Variants in LAMA2 observed in about 807,000 individuals in gnomAD.
LAMA2 encodes the protein laminin subunit alpha-2.
A neutral mutation model predicts 364.8 loss-of-function variants in LAMA2; 269 were observed. The observed-to-expected ratio is 0.74, with a 90% CI of 0.67 to 0.82. The LOEUF (loss-of-function observed/expected upper bound fraction) is 0.82, where lower values mean the gene tolerates loss of function less well. Ranked by LOEUF, LAMA2 falls within the 40% of genes least tolerant of loss-of-function variation. The probability of loss-of-function intolerance (pLI) is 0.00; values close to 1 mark genes in which losing one functional copy is unlikely to be tolerated. For synonymous variants in LAMA2, 1,379 were observed against 1,370.6 expected (o/e 1.01, Z -0.14); for missense variants, 3,807 against 3,873.2 (o/e 0.98, Z 0.45).
At chr6:129,142,580 A>G (rs1448171381) in intron 4 of LAMA2, among the ~76,000 whole-genome samples, 2 of 152,044 alleles carry the variant, frequency 1.3e-5, no homozygotes, top group Admixed American at 1.3e-4. Flanking sequence ...TTCACCTGTA[A>G]TATAGTATCT....
chr6:129,105,169 G>A (rs1261397220), intron 4 of LAMA2, among the ~76,000 whole-genome samples: 2 of 152,128 alleles, frequency 1.3e-5, no homozygotes, highest in African/African-American at 2.4e-5. Flanking sequence ...GAGTTGCAGG[G>A]TATGAAGCAA....
chr6:128,918,372 T>C (rs1001856225), intron 1 of LAMA2, among the ~76,000 whole-genome samples: 1 of 152,340 alleles, frequency 6.6e-6, no homozygotes, highest in Admixed American at 6.5e-5. Flanking sequence ...TTCATGGTTG[T>C]GTTTATCTGA....
rs558579639 is a variant in LAMA2, at chr6:129,109,943, T to G, written c.639+11528T>G. Among the ~76,000 whole-genome samples the G allele has an allele frequency of 3.9e-5, 6 of 152,190 alleles. No homozygotes were observed. In the South Asian group the frequency reaches 1.0e-3, roughly 26 times the overall value. On this transcript the variant is annotated intron_variant, in intron 4 of 64. Transcript: ENST00000421865. ...ATTAAACTGCTAATCTTCTGGACTT[T>G]TCTTCAAAGCTTGTCAGTTTTGATC... is the stretch of plus-strand genomic sequence containing the variant.
At chr6:129,428,475 G>T (rs1301083063) in intron 41 of LAMA2, among the ~76,000 whole-genome samples, 1 of 152,162 alleles carries the variant, frequency 6.6e-6, no homozygotes, top group African/African-American at 2.4e-5. Context: ...CTTTTTCTGA[G>T]ATGAAGTCTC....
At chr6:129,394,519 C>G (rs1291368374) in intron 37 of LAMA2, among the ~76,000 whole-genome samples, 1 of 152,128 alleles carries the variant, frequency 6.6e-6, no homozygotes, top group Admixed American at 6.5e-5. Flanking sequence ...TTTTTCTTCA[C>G]TGATGCACCT....
chr6:129,391,680 T>C lies in LAMA2; in HGVS notation c.5234+27T>C, dbSNP rs1300626834. The stretch of plus-strand genomic sequence containing the variant: ...TGAGTAGATGAGTTATTATTTTTTC[T>C]TTTGACAAACTGAGATTTCCAGATA... On this transcript the variant is annotated intron_variant, in intron 36 of 64. Transcript: ENST00000421865. 3.8e-6 allele frequency: 6 copies of C among 1,596,936 alleles called. No individual in the cohort carries two copies. The South Asian group carries it at 5.5e-5, about 15-fold the overall frequency.
At chr6:129,375,140 T>G (rs1212925911) in intron 34 of LAMA2, among the ~76,000 whole-genome samples, 3 of 152,276 alleles carry the variant, frequency 2.0e-5, no homozygotes, top group Middle Eastern at 3.4e-3. Context: ...TTTTGATATA[T>G]TTTAATTCAT....
chr6:129,509,229 A>T (rs1583936169), intron 62 of LAMA2, among the ~76,000 whole-genome samples: 4 of 152,142 alleles, frequency 2.6e-5, no homozygotes, highest in Admixed American at 2.6e-4. Flanking sequence ...GAATTGTTTG[A>T]ATTCCTTTTA....
At chr6:129,142,076 T>A (rs1457686500) in intron 4 of LAMA2, among the ~76,000 whole-genome samples, 2 of 152,054 alleles carry the variant, frequency 1.3e-5, no homozygotes, top group South Asian at 4.1e-4. Context: ...TGCAGATAAT[T>A]CATTATGCAG....
chr6:129,177,752 G>C lies in LAMA2; in HGVS notation c.1353G>C (p.Val451=), dbSNP rs2115016108. 2 of 1,613,996 alleles carry C rather than the reference G, an allele frequency of 1.2e-6. No individual in the cohort carries two copies. The highest frequency in any genetic ancestry group is 1.7e-6 in the Non-Finnish European group (2 of 1,179,952). The change falls in exon 10 of 65, where the codon GTG becomes GTC. Residue 451 remains valine, a synonymous_variant. Coordinates refer to ENST00000421865, the MANE Select transcript of LAMA2 (RefSeq NM_000426.4). ...ATTGCAAAACTGGTTTTGGAGGTGTGAGCTGTGATCGGTGTGCCAGGGGCT... is the reference window on the plus strand; with the variant it reads ...ATTGCAAAACTGGTTTTGGAGGTGTCAGCTGTGATCGGTGTGCCAGGGGCT... ...SCHCKTGFGG[V]SCDRCARGYT... is the part of the protein sequence containing the mutation.
chr6:129,071,064 C>G (rs946357249), intron 3 of LAMA2, among the ~76,000 whole-genome samples: 2 of 152,176 alleles, frequency 1.3e-5, no homozygotes, highest in African/African-American at 2.4e-5. Flanking sequence ...GGAGTTTTCT[C>G]TGTGCATGGG....
intron 1 of LAMA2, among the ~76,000 whole-genome samples, chr6:129,021,927 A>G (rs535949380): frequency 7.8e-4 from 119 of 152,358 alleles, no homozygotes; most frequent in African/African-American, 2.4e-3. Context: ...TAAGTAGGCC[A>G]TGGACCAAAA....
At chr6:129,008,566 C>T (rs1389637806) in intron 1 of LAMA2, among the ~76,000 whole-genome samples, 1 of 152,146 alleles carries the variant, frequency 6.6e-6, no homozygotes, top group African/African-American at 2.4e-5. Context: ...TACAAAGCTA[C>T]ATCTTTAATT....
At position 128,990,925 on chromosome 6, in the gene LAMA2, G is replaced by A. The variant is rs1320148936; in HGVS notation, c.113-58993G>A. On this transcript the variant is annotated intron_variant, in intron 1 of 64. Transcript: ENST00000421865. ...CCTGTATTTAAAAGTTAAAAGAACC[G>A]CTCTACAGAGCTAAGAATACAGGTA... Among the ~76,000 whole-genome samples the A allele has an allele frequency of 1.2e-4, 18 of 152,154 alleles. No individual in the cohort carries two copies. The East Asian group carries it at 1.9e-3, about 16-fold the overall frequency.
chr6:129,142,708 T>C (rs185989042), intron 4 of LAMA2, among the ~76,000 whole-genome samples: 102 of 152,134 alleles, frequency 6.7e-4, no homozygotes, highest in Non-Finnish European at 1.6e-4. Context: ...TTGTATCATT[T>C]TACAGTTATA....
intron 23 of LAMA2, among the ~76,000 whole-genome samples, chr6:129,314,356 G>A (rs201465213): frequency 7.5e-6 from 1 of 133,128 alleles, no homozygotes; most frequent in Non-Finnish European, 1.5e-5. Flanking sequence ...CAGAGATAGC[G>A]CCACTGCACT....
At chr6:128,895,541 T>C (rs1776722490) in intron 1 of LAMA2, among the ~76,000 whole-genome samples, 1 of 150,458 alleles carries the variant, frequency 6.6e-6, no homozygotes, top group Admixed American at 6.6e-5. Flanking sequence ...CCAGGTACTC[T>C]GGAGGCTGAG....
In LAMA2 at chr6:129,054,249, A is replaced by G. The variant is rs181204733; in HGVS notation, c.283+4161A>G. Among the ~76,000 whole-genome samples the G allele has an allele frequency of 3.7e-3, 557 of 152,336 alleles. 4 individuals carry two copies. Among genetic ancestry groups the G allele is most frequent in the Non-Finnish European group, 5.4e-3 (370 of 68,034 alleles). On this transcript the variant is annotated intron_variant, in intron 2 of 64. Transcript: ENST00000421865. Reference sequence around the variant, plus strand: ...AATCAGAATAAAGTGGCAATTCCATATGGAGTAAAATAAAGAATCAAACGT... The same window carrying G: ...AATCAGAATAAAGTGGCAATTCCATGTGGAGTAAAATAAAGAATCAAACGT...
chr6:129,192,914 T>C (rs1781617486), intron 12 of LAMA2, 61 bp downstream of exon 12: 3 of 1,486,494 alleles, frequency 2.0e-6, no homozygotes, highest in South Asian at 2.4e-5. Context: ...GAATGGGTTT[T>C]AGTTGGTAAT....
Sources: allele counts gnomAD v4.1 joint callset (sites outside exome capture counted in the v4.1 genomes callset), GRCh38; gene constraint gnomAD v4.1.1; transcripts MANE v1.5; gene names NCBI Gene and HGNC (gene_info 2026-07-23, HGNC 2026-07-21).